The following ROBO1 variants were observed in gnomAD, a reference collection of about 807,000 sequenced individuals.
ROBO1 encodes roundabout homolog 1.
Under a neutral mutation model 195.9 loss-of-function variants are expected in ROBO1, and 149 were observed. The ratio of observed to expected loss-of-function variants is 0.76; its 90% CI spans 0.67 to 0.87. The LOEUF (loss-of-function observed/expected upper bound fraction) is 0.87, where lower values mean the gene tolerates loss of function less well. Among genes scored for constraint, ROBO1 ranks in the 40% least tolerant of loss-of-function variants. ROBO1 has a pLI of 0.00. For missense variants in ROBO1, 1,933 were observed against 2,068.3 expected, an observed-to-expected ratio of 0.93 and a Z score of 1.27; for synonymous variants, 816 against 733.2, an observed-to-expected ratio of 1.11 and a Z score of -1.82.
chr3:78,953,421 T>C (rs2040888156), intron 3 of ROBO1, among the ~76,000 whole-genome samples: 1 of 152,048 alleles, frequency 6.6e-6, no homozygotes, highest in African/African-American at 2.4e-5. Flanking sequence ...CATCCACCAA[T>C]TTATCCATTA....
chr3:79,026,064 T>C (rs1272820878), intron 3 of ROBO1, among the ~76,000 whole-genome samples: 2 of 152,172 alleles, frequency 1.3e-5, no homozygotes, highest in Non-Finnish European at 2.9e-5. Flanking sequence ...ATGTTTTACA[T>C]ATAAGTTTTA....
At chr3:79,204,880 G>A (rs1420282976) in intron 2 of ROBO1, among the ~76,000 whole-genome samples, 5 of 151,714 alleles carry the variant, frequency 3.3e-5, no homozygotes, top group South Asian at 2.1e-4. Context: ...CTTTTCTTGC[G>A]GTTACGTCTT....
chr3:79,584,442 A>G (rs1368450569), intron 2 of ROBO1, among the ~76,000 whole-genome samples: 2 of 151,554 alleles, frequency 1.3e-5, no homozygotes, highest in East Asian at 3.9e-4. Context: ...AAACCAAGGA[A>G]GAAAGTGCTT....
intron 4 of ROBO1, among the ~76,000 whole-genome samples, chr3:78,936,498 G>C (rs1172979649): frequency 4.6e-5 from 7 of 151,952 alleles, no homozygotes; most frequent in Non-Finnish European, 8.8e-5. Context: ...TGCAACTGTG[G>C]AATCAACCAA....
At chr3:79,272,654 G>A (rs776479340) in intron 2 of ROBO1, among the ~76,000 whole-genome samples, 21 of 152,030 alleles carry the variant, frequency 1.4e-4, no homozygotes, top group African/African-American at 5.1e-4. Flanking sequence ...GGAATGCAGT[G>A]CATTGCATTC....
In ROBO1 at chr3:79,642,461, C is replaced by T. The variant is rs1221969569; in HGVS notation, c.-50-52500G>A. Among the ~76,000 whole-genome samples, 3 of 151,994 alleles carry T rather than the reference C, an allele frequency of 2.0e-5. No homozygotes were observed. The East Asian group carries it at 5.8e-4, about 29-fold the overall frequency. ...CAAACTGATTTGACCCAAATAACTA[C>T]CCCAAAAATATAATAAAACTCTCAA... is the stretch of plus-strand genomic sequence containing the variant. On this transcript the variant is annotated intron_variant, in intron 1 of 30. Coordinates refer to ENST00000464233, the MANE Select transcript of ROBO1 (RefSeq NM_002941.4).
intron 4 of ROBO1, among the ~76,000 whole-genome samples, chr3:78,884,219 A>G (rs2036362688): frequency 6.6e-6 from 1 of 152,222 alleles, no homozygotes; most frequent in Admixed American, 6.5e-5. Context: ...GAGAATGACA[A>G]TAACAGACCT....
chr3:79,297,863 C>T (rs1157719148), intron 2 of ROBO1, among the ~76,000 whole-genome samples: 1 of 151,954 alleles, frequency 6.6e-6, no homozygotes, highest in African/African-American at 2.4e-5. Flanking sequence ...TACCATATCA[C>T]CTCTGAAATT....
chr3:79,040,595 C>T (rs763848173), intron 3 of ROBO1, among the ~76,000 whole-genome samples: 7 of 152,016 alleles, frequency 4.6e-5, no homozygotes, highest in Non-Finnish European at 1.0e-4. Flanking sequence ...GACTATTACT[C>T]ATATATATAA....
At chr3:78,882,692 T>A (rs923241274) in intron 4 of ROBO1, among the ~76,000 whole-genome samples, 8 of 152,294 alleles carry the variant, frequency 5.3e-5, no homozygotes, top group African/African-American at 7.2e-5. Flanking sequence ...CCTCCAGGTA[T>A]CCCTCTAATG....
In ROBO1 at chr3:79,073,557, T is replaced by C. The variant is rs147531190; in HGVS notation, c.172+51899A>G. ...CTTTCACCTACCATGCAGTCTTTGATAGAGGATGAGATTATGGACAGTACT... is the reference window on the plus strand; with the variant it reads ...CTTTCACCTACCATGCAGTCTTTGACAGAGGATGAGATTATGGACAGTACT... On this transcript the variant is annotated intron_variant, in intron 3 of 30. Transcript: ENST00000464233. 2.6e-3 allele frequency among the ~76,000 whole-genome samples: 402 copies of C among 151,964 alleles called. 2 individuals carry two copies. The highest frequency in any genetic ancestry group is 0.01 in the Middle Eastern group (3 of 294).
chr3:79,297,438 T>C (rs2032652874), intron 2 of ROBO1, among the ~76,000 whole-genome samples: 1 of 152,150 alleles, frequency 6.6e-6, no homozygotes, highest in Admixed American at 6.5e-5. Context: ...CAATTCTTTG[T>C]TATTATGATC....
intron 4 of ROBO1, among the ~76,000 whole-genome samples, chr3:78,754,941 T>C (rs1169971651): frequency 6.6e-6 from 1 of 152,076 alleles, no homozygotes; most frequent in African/African-American, 2.4e-5. Context: ...CCTGGTACAC[T>C]GGAAAAGCCT....
intron 3 of ROBO1, among the ~76,000 whole-genome samples, chr3:78,974,393 G>A (rs555429608): frequency 1.3e-5 from 2 of 152,216 alleles, no homozygotes; most frequent in East Asian, 3.9e-4. Flanking sequence ...ATTGAAAACC[G>A]AATCAAAACT....
intron 4 of ROBO1, among the ~76,000 whole-genome samples, chr3:78,854,343 T>G (rs1323495850): frequency 6.7e-6 from 1 of 148,234 alleles, no homozygotes. Flanking sequence ...TACTATTATA[T>G]ATAATATGTT....
intron 2 of ROBO1, among the ~76,000 whole-genome samples, chr3:79,268,778 T>G (rs961924343): frequency 1.3e-5 from 2 of 151,690 alleles, no homozygotes; most frequent in Non-Finnish European, 3.0e-5. Context: ...CTTCTAACCA[T>G]CCTTGCAGGA....
At chr3:78,976,084 T>C (rs758583999) in intron 3 of ROBO1, among the ~76,000 whole-genome samples, 4 of 152,228 alleles carry the variant, frequency 2.6e-5, no homozygotes, top group Admixed American at 6.5e-5. Flanking sequence ...ATTCTATTAA[T>C]AGGCTATGGC....
intron 2 of ROBO1, among the ~76,000 whole-genome samples, chr3:79,405,697 AC>A (rs2037519081): frequency 6.6e-6 from 1 of 152,184 alleles, no homozygotes; most frequent in South Asian, 2.1e-4. Context: ...TTCTTTTGTA[AC>A]TTTATATTGT....
chr3:79,068,447 G>A (rs549801261), intron 3 of ROBO1, among the ~76,000 whole-genome samples: 92 of 151,840 alleles, frequency 6.1e-4, no homozygotes, highest in African/African-American at 2.0e-3. Context: ...CTGAAATGTG[G>A]TTGTTCAAAG....
Sources: gnomAD v4.1 joint callset for allele counts (sites outside exome capture counted in the v4.1 genomes callset) on GRCh38, gnomAD v4.1.1 for gene constraint, MANE v1.5 for transcripts, NCBI Gene and HGNC (gene_info 2026-07-23, HGNC 2026-07-21) for gene names.